Variants in MMD2 observed in about 807,000 individuals in gnomAD.
MMD2 encodes the protein monocyte to macrophage differentiation factor 2.
A neutral mutation model predicts 33.5 loss-of-function variants in MMD2; 30 were observed. The ratio of observed to expected loss-of-function variants is 0.90; its 90% CI spans 0.67 to 1.22. MMD2 has a LOEUF of 1.22. Among genes scored for constraint, MMD2 ranks in the 50% most tolerant of loss-of-function variants. The pLI is 0.00. For synonymous variants in MMD2, 129 were observed against 123.0 expected, an observed-to-expected ratio of 1.05 and a Z score of -0.32; for missense variants, 364 against 325.4, an observed-to-expected ratio of 1.12 and a Z score of -0.91.
the MMD2 span, among the ~76,000 whole-genome samples, chr7:4,895,453 G>A: frequency 2.0e-5 from 3 of 152,318 alleles, no homozygotes; most frequent in African/African-American, 7.2e-5. Flanking sequence ...TTGCGGTGTG[G>A]AGAAACGGGG....
intron 1 of MMD2, among the ~76,000 whole-genome samples, chr7:4,957,836 G>T (rs1786429215): frequency 6.6e-6 from 1 of 152,124 alleles, no homozygotes; most frequent in Non-Finnish European, 1.5e-5. Flanking sequence ...GGAAGGAAGG[G>T]TTCCGTCCTG....
At chr7:4,909,119 A>G (rs2115085845) in intron 6 of MMD2, among the ~76,000 whole-genome samples, 1 of 152,234 alleles carries the variant, frequency 6.6e-6, no homozygotes, top group South Asian at 2.1e-4. Flanking sequence ...TATTTAGAGA[A>G]AAAAAACATG....
chr7:4,958,812 G>GGT (rs946436291), intron 1 of MMD2, among the ~76,000 whole-genome samples, 159 bp downstream of exon 1: 1 of 152,158 alleles, frequency 6.6e-6, no homozygotes, highest in African/African-American at 2.4e-5. Flanking sequence ...GAGAAGACGA[G>GGT]GCTGCCTGGG....
chr7:4,895,649 G>C, the MMD2 span, among the ~76,000 whole-genome samples: 285 of 152,202 alleles, frequency 1.9e-3, no homozygotes, highest in African/African-American at 6.6e-3. Context: ...CAATTCTCCT[G>C]ACTCAGCCTC....
intron 1 of MMD2, among the ~76,000 whole-genome samples, chr7:4,948,001 A>G (rs887429663): frequency 1.3e-5 from 2 of 151,682 alleles, no homozygotes; most frequent in Non-Finnish European, 2.9e-5. Context: ...CCCGGCCACT[A>G]CACACTTTTT....
At chr7:4,901,789 C>G (rs58015583), downstream of MMD2, among the ~76,000 whole-genome samples, 2,462 of 152,304 alleles carry the variant, frequency 0.016, 54 homozygotes, top group African/African-American at 0.056. Flanking sequence ...GTGGCGGAGC[C>G]GGGGGAGCCT....
intron 1 of MMD2, among the ~76,000 whole-genome samples, chr7:4,931,616 G>C (rs191842846): frequency 2.0e-5 from 3 of 150,808 alleles, no homozygotes; most frequent in Non-Finnish European, 4.4e-5. Context: ...TTTTTGTAGA[G>C]ATAGAGTCTC....
At chr7:4,945,708 G>A (rs1786056340) in intron 1 of MMD2, among the ~76,000 whole-genome samples, 1 of 152,240 alleles carries the variant, frequency 6.6e-6, no homozygotes, top group Middle Eastern at 3.4e-3. Flanking sequence ...CTAAGTAGCT[G>A]GGATTACAGG....
chr7:4,941,660 A>G (rs539462882), intron 1 of MMD2, among the ~76,000 whole-genome samples: 1 of 151,846 alleles, frequency 6.6e-6, no homozygotes, highest in South Asian at 2.1e-4. Flanking sequence ...CTTTTTTTAA[A>G]CAGTGGAATA....
the MMD2 span, among the ~76,000 whole-genome samples, chr7:4,895,478 T>C: frequency 3.3e-5 from 5 of 152,148 alleles, no homozygotes; most frequent in South Asian, 1.0e-3. Context: ...CGGTTTTGAC[T>C]TAGGGCTGAG....
At chr7:4,935,128 C>T (rs540286498) in intron 1 of MMD2, among the ~76,000 whole-genome samples, 18 of 151,850 alleles carry the variant, frequency 1.2e-4, no homozygotes, top group Middle Eastern at 3.4e-3. Context: ...AGAGGTTGCA[C>T]GGAGCCGAGA....
At chr7:4,956,977 G>A (rs937995358) in intron 1 of MMD2, among the ~76,000 whole-genome samples, 2 of 151,580 alleles carry the variant, frequency 1.3e-5, no homozygotes, top group African/African-American at 2.4e-5. Context: ...ACCAGCTTGG[G>A]CAACATGGCA....
intron 1 of MMD2, among the ~76,000 whole-genome samples, chr7:4,937,067 C>A (rs186151806): frequency 6.7e-6 from 1 of 150,366 alleles, no homozygotes; most frequent in Non-Finnish European, 1.5e-5. Flanking sequence ...CTTAGTCCAT[C>A]TTCTGCTGGA....
intron 1 of MMD2, among the ~76,000 whole-genome samples, chr7:4,943,786 T>C (rs1353783632): frequency 7.2e-5 from 11 of 152,020 alleles, no homozygotes; most frequent in Admixed American, 7.2e-4. Context: ...AAATCACTGT[T>C]GTTGACTGAT....
chr7:4,929,155 G>A (rs1785508354), intron 1 of MMD2, among the ~76,000 whole-genome samples: 1 of 152,148 alleles, frequency 6.6e-6, no homozygotes, highest in East Asian at 1.9e-4. Flanking sequence ...TCGGGTGACT[G>A]CTCTCTGCCT....
At chr7:4,915,270 C>A (rs1309266874) in intron 4 of MMD2, among the ~76,000 whole-genome samples, 2 of 149,454 alleles carry the variant, frequency 1.3e-5, no homozygotes, top group African/African-American at 4.9e-5. Context: ...GACCCTGTCT[C>A]TTAAAAAAAA....
chr7:4,907,904 T>C (rs928204175), intron 6 of MMD2, among the ~76,000 whole-genome samples: 8 of 152,186 alleles, frequency 5.3e-5, no homozygotes, highest in African/African-American at 1.9e-4. Flanking sequence ...ACTCCTGGGA[T>C]GATCCTCCTG....
rs533627275 is a variant in MMD2 at position 4,906,737 on chromosome 7, A to G, written c.*659T>C. 76 of 393,268 alleles carry G rather than the reference A, an allele frequency of 1.9e-4. No homozygotes were observed. Among genetic ancestry groups the G allele is most frequent in the African/African-American group, 1.1e-3 (55 of 48,596 alleles). The allele number at this position is 393,268 out of a possible 1,614,324, so 24.4% of individuals were successfully genotyped here. On this transcript the variant is annotated 3_prime_UTR_variant, in exon 7 of 7. Transcript: ENST00000401401. ...TAGGCATGCAAATGCCCATTTGGAG[A>G]TTTTCAGCTACTCTGGCCATTATCC...
chr7:4,923,566 C>T (rs1420356059), intron 2 of MMD2, among the ~76,000 whole-genome samples: 2 of 152,034 alleles, frequency 1.3e-5, no homozygotes, highest in African/African-American at 4.8e-5. Flanking sequence ...CTCAGGGCCA[C>T]TAAATGATGG....
Sources: gnomAD v4.1 joint callset for allele counts (sites outside exome capture counted in the v4.1 genomes callset) on GRCh38, gnomAD v4.1.1 for gene constraint, MANE v1.5 for transcripts, NCBI Gene and HGNC (gene_info 2026-07-23, HGNC 2026-07-21) for gene names.